The following TMEM192 variants were observed in gnomAD, a reference collection of about 807,000 sequenced individuals.
TMEM192 encodes the protein transmembrane protein 192.
A neutral mutation model predicts 26.7 loss-of-function variants in TMEM192; 20 were observed. The ratio of observed to expected loss-of-function variants is 0.75; its 90% CI spans 0.53 to 1.09. The LOEUF is 1.09. TMEM192 is among the 50% of genes least tolerant of loss of function. The pLI, the probability that TMEM192 is intolerant of heterozygous loss-of-function variation, is 0.00. For missense variants in TMEM192, 304 were observed against 322.6 expected, an observed-to-expected ratio of 0.94 and a Z score of 0.44; for synonymous variants, 124 against 121.0, an observed-to-expected ratio of 1.02 and a Z score of -0.16.
chr4:165,093,647 A>T (rs576847292), intron 3 of TMEM192, among the ~76,000 whole-genome samples: 44 of 152,246 alleles, frequency 2.9e-4, no homozygotes, highest in African/African-American at 1.0e-3. Flanking sequence ...AAGTCACTTC[A>T]CCTCTGGGTT....
At chr4:165,079,941 A>T (rs896513611) in intron 5 of TMEM192, 145 bp from the exon 6 acceptor site, 1 of 624,510 alleles carries the variant, frequency 1.6e-6, no homozygotes, top group African/African-American at 1.9e-5. Context: ...TAATATTGCC[A>T]AATAAGATTA....
At position 165,088,566 on chromosome 4, in the gene TMEM192, T is replaced by C; in HGVS notation, c.476A>G (p.His159Arg). The change falls in exon 4 of 6, where the codon CAC (histidine) becomes CGC (arginine). Residue 159 changes from histidine to arginine, a missense_variant. Physicochemically the swap from His to Arg is conservative, Grantham distance 29. Coordinates refer to ENST00000306480, the MANE Select transcript of TMEM192 (RefSeq NM_001100389.2). ...CAATCTGCCAGGCTCTGGGAAGGAG[T>C]GCTGCATGCACAGTATGAGGAGAAG... is the stretch of plus-strand genomic sequence containing the variant. Reference protein sequence around the residue: ...TVLLLILCMQHSFPEPGRLYL... With the variant: ...TVLLLILCMQRSFPEPGRLYL... 1 of 1,613,040 alleles carries C rather than the reference T, an allele frequency of 6.2e-7. No individual in the cohort carries two copies.
chr4:165,091,077 AAC>A (rs1310691603), intron 3 of TMEM192, among the ~76,000 whole-genome samples: 1 of 151,838 alleles, frequency 6.6e-6, no homozygotes, highest in Non-Finnish European at 1.5e-5. Context: ...CATCCTGGCT[AAC>A]ACAGTGAAAC....
intron 3 of TMEM192, among the ~76,000 whole-genome samples, chr4:165,091,049 A>G (rs1279349373): frequency 1.3e-5 from 2 of 151,846 alleles, no homozygotes; most frequent in Admixed American, 6.6e-5. Context: ...GCGGATCACA[A>G]GGCCAGGAGA....
chr4:165,104,326 T>C (rs1735113736), intron 1 of TMEM192, among the ~76,000 whole-genome samples: 1 of 152,030 alleles, frequency 6.6e-6, no homozygotes, highest in Non-Finnish European at 1.5e-5. Flanking sequence ...AAATGAAGGA[T>C]TCATGAATAG....
In TMEM192 at chr4:165,074,350, TGA is replaced by T. The variant is rs1734328907; in HGVS notation, c.*5306_*5307del. The T allele has an allele frequency of 6.6e-6, 1 of 152,202 alleles. No homozygotes were observed. The highest frequency in any genetic ancestry group is 2.1e-4 in the South Asian group (1 of 4,822). The allele number at this position is 152,202 out of a possible 1,614,324, so 9.4% of individuals were successfully genotyped here. ...TCCTTAGGAAACCTAGAGAATGTTT[TGA>T]GATCTCAAATTTGTGATTGTCACAT... is the stretch of plus-strand genomic sequence containing the variant. On this transcript the variant is annotated 3_prime_UTR_variant, in exon 6 of 6. Transcript: ENST00000306480.
At chr4:165,081,258 G>A (rs1363756919) in intron 5 of TMEM192, among the ~76,000 whole-genome samples, 1 of 150,260 alleles carries the variant, frequency 6.7e-6, no homozygotes, top group Non-Finnish European at 1.5e-5. Context: ...TCTGAGCTGG[G>A]CTATTCACTG....
chr4:165,089,040 C>CAAAAA (rs56000323), intron 3 of TMEM192, among the ~76,000 whole-genome samples: 1 of 47,290 alleles, frequency 2.1e-5, no homozygotes, highest in Non-Finnish European at 3.4e-5. Context: ...GACCCTACTG[C>CAAAAA]AAAAAAAAAA....
Position 165,079,606 on chromosome 4 carries a change from A to C in TMEM192, c.*52T>G. ...GTGGCAGCTTGTCAGGTGGTCAGTC[A>C]GTCTCAATTACTCTGGGTTCCTCTG... On this transcript the variant is annotated 3_prime_UTR_variant, in exon 6 of 6. Coordinates refer to ENST00000306480, the MANE Select transcript of TMEM192 (RefSeq NM_001100389.2). 4.5e-6 allele frequency: 7 copies of C among 1,541,026 alleles called. No homozygotes were observed. The highest frequency in any genetic ancestry group is 6.1e-6 in the Non-Finnish European group (7 of 1,139,654).
rs778614917 is a variant in TMEM192, at chr4:165,103,031, G to A, written c.93C>T (p.His31=). Residue 31 remains histidine (H), a synonymous_variant, in exon 2 of 6, where the codon CAC becomes CAT. Coordinates refer to ENST00000306480, the MANE Select transcript of TMEM192 (RefSeq NM_001100389.2). ...DPLLDAQLLP[H]HSLQAHFRPR... ...GTCTAAAGTGAGCTTGTAATGAGTG[G>A]TGTGGGAGAAGCTGGGCATCCAGAA... The A allele has an allele frequency of 8.1e-6, 13 of 1,613,556 alleles. No individual in the cohort carries two copies. Among genetic ancestry groups the A allele is most frequent in the Non-Finnish European group, 1.1e-5 (13 of 1,179,752 alleles).
Position 165,079,662 on chromosome 4 carries a change from G to A in TMEM192, c.812C>T (p.Thr271Met), listed in dbSNP as rs1383849193. ...GCTGTCATGACCGTGAGCCTCTCAC[G>A]TTCTACTTGGCTGACAGCCCAGGTC... ...SSDLGCQPSRT is the reference protein window; with the variant it reads ...SSDLGCQPSRM Residue 271 changes from threonine (T) to methionine (M), a missense_variant, in exon 6 of 6, where the codon ACG (threonine) becomes ATG (methionine). Thr to Met is a moderately conservative substitution (Grantham distance 81). Coordinates refer to ENST00000306480, the MANE Select transcript of TMEM192 (RefSeq NM_001100389.2). The A allele has an allele frequency of 1.5e-5, 24 of 1,609,098 alleles. No individual in the cohort carries two copies. Among genetic ancestry groups the A allele is most frequent in the African/African-American group, 4.0e-5 (3 of 74,628 alleles).
chr4:165,100,580 A>AT (rs775648708), intron 3 of TMEM192, 48 bp downstream of exon 3: 2 of 1,570,640 alleles, frequency 1.3e-6, no homozygotes, highest in African/African-American at 2.7e-5. Flanking sequence ...TTCTGCTGTC[A>AT]TTTTTGTCCC....
At chr4:165,111,447 C>T (rs768660802) in intron 1 of TMEM192, among the ~76,000 whole-genome samples, 1 of 152,186 alleles carries the variant, frequency 6.6e-6, no homozygotes, top group Non-Finnish European at 1.5e-5. Flanking sequence ...CATCCTAAAG[C>T]TAAAAGCTAC....
At chr4:165,105,754 A>C (rs1735146930) in intron 1 of TMEM192, among the ~76,000 whole-genome samples, 1 of 152,200 alleles carries the variant, frequency 6.6e-6, no homozygotes, top group African/African-American at 2.4e-5. Context: ...GTGCACTCCC[A>C]GTGTGCTAGG....
intron 1 of TMEM192, among the ~76,000 whole-genome samples, chr4:165,111,387 A>C (rs1735289718): frequency 6.6e-6 from 1 of 152,150 alleles, no homozygotes; most frequent in Admixed American, 6.5e-5. Flanking sequence ...AGCCTCCCAG[A>C]CCATCCCCAG....
chr4:165,097,751 A>G (rs968302488), intron 3 of TMEM192, among the ~76,000 whole-genome samples: 3 of 151,590 alleles, frequency 2.0e-5, no homozygotes, highest in Admixed American at 6.6e-5. Context: ...AGTAGCTAGG[A>G]CTACAGGCAC....
chr4:165,090,213 G>A (rs1242963277), intron 3 of TMEM192, among the ~76,000 whole-genome samples: 2 of 52,072 alleles, frequency 3.8e-5, no homozygotes, highest in East Asian at 1.5e-3. Context: ...CTCCGTCTTG[G>A]AAAAAAAAAA....
At chr4:165,095,786 T>G (rs1006514368) in intron 3 of TMEM192, among the ~76,000 whole-genome samples, 4 of 151,998 alleles carry the variant, frequency 2.6e-5, no homozygotes, top group Non-Finnish European at 5.9e-5. Context: ...TTAAAAATTT[T>G]TTTTTAAAAA....
At position 165,077,248 on chromosome 4, in the gene TMEM192, C is replaced by A. The variant is rs1436709386; in HGVS notation, c.*2410G>T. On this transcript the variant is annotated 3_prime_UTR_variant, in exon 6 of 6. Coordinates refer to ENST00000306480, the MANE Select transcript of TMEM192 (RefSeq NM_001100389.2). ...CCCTAACTTTTTAACTACACTGTTCCTTGTAAACCAAAGTTCATCCTATAA... is the reference window on the plus strand; with the variant it reads ...CCCTAACTTTTTAACTACACTGTTCATTGTAAACCAAAGTTCATCCTATAA... 2.0e-5 allele frequency: 3 copies of A among 152,178 alleles called. No individual in the cohort carries two copies. The allele number at this position is 152,178 out of a possible 1,614,324, so 9.4% of individuals were successfully genotyped here. A position where few individuals can be genotyped will look rare whatever the true frequency, so the allele number is the denominator to read the frequency against.
Sources: allele counts gnomAD v4.1 joint callset (sites outside exome capture counted in the v4.1 genomes callset), GRCh38; gene constraint gnomAD v4.1.1; transcripts MANE v1.5; gene names NCBI Gene and HGNC (gene_info 2026-07-23, HGNC 2026-07-21).